Variants in THRB observed in about 807,000 individuals in gnomAD.
THRB encodes nuclear receptor subfamily 1 group A member 2.
Under a neutral mutation model 47.8 loss-of-function variants are expected in THRB, and 12 were observed. The observed-to-expected ratio is 0.25, with a 90% CI of 0.16 to 0.41. The LOEUF is 0.41. Among genes scored for constraint, THRB ranks in the 10% least tolerant of loss-of-function variants. The pLI is 1.00. For synonymous variants in THRB, 218 were observed against 212.2 expected (o/e 1.03, Z -0.24); for missense variants, 348 against 589.2 (o/e 0.59, Z 4.24).
chr3:24,189,859 G>A (rs1249345524), intron 5 of THRB: 4 of 559,330 alleles, frequency 7.2e-6, no homozygotes, highest in African/African-American at 1.9e-5. Flanking sequence ...CCAGCACAAC[G>A]TGAAACCGAA....
intron 4 of THRB, among the ~76,000 whole-genome samples, chr3:24,201,006 C>T (rs1474185440): frequency 6.6e-6 from 1 of 152,172 alleles, no homozygotes; most frequent in African/African-American, 2.4e-5. Context: ...CTGTATCTCA[C>T]TGATACAGTC....
chr3:24,170,116 A>T (rs947546074), intron 5 of THRB, among the ~76,000 whole-genome samples: 2 of 152,142 alleles, frequency 1.3e-5, no homozygotes, highest in Non-Finnish European at 2.9e-5. Flanking sequence ...CAACCAGGGC[A>T]TCTCCAACTT....
rs369975890 is a variant in THRB at position 24,258,039 on chromosome 3, C to G, written c.-42-29038G>C. ...CTGAGATCAAATTGGTGACATAAAT[C>G]AAAACACTCTCTTTGTATGAATTTA... On this transcript the variant is annotated intron_variant, in intron 3 of 10. Coordinates refer to ENST00000646209, the MANE Select transcript of THRB (RefSeq NM_001354712.2). Among the ~76,000 whole-genome samples, 16 of 152,258 alleles carry G rather than the reference C, an allele frequency of 1.1e-4. No individual in the cohort carries two copies. In the East Asian group the frequency reaches 3.1e-3, roughly 29 times the overall value.
intron 8 of THRB, among the ~76,000 whole-genome samples, chr3:24,138,840 A>G (rs1295165437): frequency 6.6e-6 from 1 of 152,194 alleles, no homozygotes; most frequent in Admixed American, 6.5e-5. Flanking sequence ...AAAAGTAGGA[A>G]AGGTCTCCTC....
At chr3:24,283,742 G>A (rs1394174408) in intron 3 of THRB, among the ~76,000 whole-genome samples, 3 of 151,482 alleles carry the variant, frequency 2.0e-5, no homozygotes, top group African/African-American at 7.3e-5. Context: ...AAAGTCTCAG[G>A]ATACAAAATC....
chr3:24,119,600 C>G lies in THRB; in HGVS notation c.*3284G>C, dbSNP rs2031278307. 6.6e-6 allele frequency: 1 copy of G among 152,248 alleles called. No individual in the cohort carries two copies. Among genetic ancestry groups the G allele is most frequent in the Non-Finnish European group, 1.5e-5 (1 of 68,146 alleles). The allele number at this position is 152,248 out of a possible 1,614,324, so 9.4% of individuals were successfully genotyped here. On this transcript the variant is annotated 3_prime_UTR_variant, in exon 11 of 11. Coordinates refer to ENST00000646209, the MANE Select transcript of THRB (RefSeq NM_001354712.2). ...TGGAGGAGCAACAAGAACGGCGTTG[C>G]TGGCACAGAGCGAAGGCCTGGCAGT...
At chr3:24,329,781 G>A (rs1055937063) in intron 2 of THRB, among the ~76,000 whole-genome samples, 7 of 152,206 alleles carry the variant, frequency 4.6e-5, no homozygotes, top group African/African-American at 1.7e-4. Flanking sequence ...TAGTTGTCTT[G>A]ATGAAAAATT....
chr3:24,292,047 G>GA (rs1354079732), intron 3 of THRB, among the ~76,000 whole-genome samples: 4 of 151,964 alleles, frequency 2.6e-5, no homozygotes, highest in South Asian at 2.1e-4. Flanking sequence ...TGGCTGTTGA[G>GA]AAAAAAGAGT....
At chr3:24,298,976 G>A (rs1045278709) in intron 2 of THRB, among the ~76,000 whole-genome samples, 3 of 151,882 alleles carry the variant, frequency 2.0e-5, no homozygotes, top group South Asian at 2.1e-4. Context: ...GGCCGGGCGC[G>A]GTGGCTCATG....
chr3:24,135,820 C>CATAT (rs34338818), intron 8 of THRB, among the ~76,000 whole-genome samples: 2,150 of 98,388 alleles, frequency 0.022, 65 homozygotes, highest in African/African-American at 0.074. Context: ...GGCAGAGAGT[C>CATAT]ATATATATAT....
At chr3:24,252,551 TACTA>T (rs2050771288) in intron 3 of THRB, among the ~76,000 whole-genome samples, 1 of 151,638 alleles carries the variant, frequency 6.6e-6, no homozygotes, top group Non-Finnish European at 1.5e-5. Flanking sequence ...GGTGAAGACT[TACTA>T]ACTATGGCAC....
chr3:24,177,351 C>G (rs145905039), intron 5 of THRB, among the ~76,000 whole-genome samples: 2 of 152,238 alleles, frequency 1.3e-5, no homozygotes, highest in Non-Finnish European at 2.9e-5. Context: ...AGCCTAGACT[C>G]GAAGCTCTGC....
At chr3:24,443,940 C>T (rs141395364) in intron 1 of THRB, among the ~76,000 whole-genome samples, 184 of 152,292 alleles carry the variant, frequency 1.2e-3, no homozygotes, top group African/African-American at 4.1e-3. Context: ...AAATCCCATA[C>T]TCTGGCTTCC....
chr3:24,323,507 A>T (rs2058619338), intron 2 of THRB, among the ~76,000 whole-genome samples: 1 of 152,242 alleles, frequency 6.6e-6, no homozygotes, highest in Non-Finnish European at 1.5e-5. Flanking sequence ...ATTCTGATTC[A>T]TTAGATCTGG....
At chr3:24,161,358 C>G (rs193141910) in intron 5 of THRB, among the ~76,000 whole-genome samples, 1 of 152,158 alleles carries the variant, frequency 6.6e-6, no homozygotes, top group Admixed American at 6.5e-5. Context: ...TAGTACTCAA[C>G]AGTTCACTGG....
At chr3:24,255,699 A>T (rs1264765843) in intron 3 of THRB, among the ~76,000 whole-genome samples, 1 of 152,206 alleles carries the variant, frequency 6.6e-6, no homozygotes, top group Non-Finnish European at 1.5e-5. Flanking sequence ...AGGGTGATAG[A>T]TGGCTGGTGT....
At chr3:24,243,946 C>G (rs1004844963) in intron 3 of THRB, among the ~76,000 whole-genome samples, 2 of 152,020 alleles carry the variant, frequency 1.3e-5, no homozygotes, top group Non-Finnish European at 2.9e-5. Context: ...TAAATTTTCT[C>G]AAAAATGACA....
intron 3 of THRB, among the ~76,000 whole-genome samples, chr3:24,280,494 G>C (rs1311052743): frequency 6.6e-6 from 1 of 152,178 alleles, no homozygotes; most frequent in East Asian, 1.9e-4. Flanking sequence ...GGAAAAAACA[G>C]AGCAGAAAAA....
chr3:24,228,396 GC>G (rs2047895817), intron 4 of THRB, among the ~76,000 whole-genome samples: 1 of 152,066 alleles, frequency 6.6e-6, no homozygotes. Context: ...GGAATAAACA[GC>G]CAACTTCTGA....
Sources: gnomAD v4.1 joint callset for allele counts (sites outside exome capture counted in the v4.1 genomes callset) on GRCh38, gnomAD v4.1.1 for gene constraint, MANE v1.5 for transcripts, NCBI Gene and HGNC (gene_info 2026-07-23, HGNC 2026-07-21) for gene names.